THSD7A: variants seen among roughly 807,000 people sequenced by gnomAD.
The protein encoded by THSD7A is thrombospondin type 1 domain containing 7A, also known as thrombospondin type-1 domain-containing protein 7A.
A neutral mutation model predicts 231.3 loss-of-function variants in THSD7A; 96 were observed. The observed-to-expected ratio is 0.41, with a 90% CI of 0.35 to 0.49. The LOEUF is 0.49. Among genes scored for constraint, THSD7A ranks in the 20% least tolerant of loss-of-function variants. The probability of loss-of-function intolerance (pLI) is 0.05; values close to 1 mark genes in which losing one functional copy is unlikely to be tolerated. For synonymous variants in THSD7A, 940 were observed against 743.3 expected, an observed-to-expected ratio of 1.26 and a Z score of -4.30; for missense variants, 2,290 against 2,070.2, an observed-to-expected ratio of 1.11 and a Z score of -2.06.
intron 1 of THSD7A, among the ~76,000 whole-genome samples, chr7:11,643,812 C>T (rs1049584009): frequency 6.6e-6 from 1 of 151,980 alleles, no homozygotes; most frequent in African/African-American, 2.4e-5. Flanking sequence ...TAATGAACCT[C>T]CATTGCTATA....
chr7:11,526,338 C>A (rs1349828690), intron 6 of THSD7A, among the ~76,000 whole-genome samples: 1 of 152,120 alleles, frequency 6.6e-6, no homozygotes, highest in Non-Finnish European at 1.5e-5. Flanking sequence ...TTTATTTACT[C>A]CTTGAGTTAA....
intron 1 of THSD7A, among the ~76,000 whole-genome samples, chr7:11,744,269 T>C (rs924881495): frequency 6.6e-5 from 10 of 151,790 alleles, no homozygotes; most frequent in African/African-American, 9.7e-5. Context: ...CTGAGATACA[T>C]ACTGACTGAT....
intron 1 of THSD7A, among the ~76,000 whole-genome samples, chr7:11,694,846 A>G (rs1430204109): frequency 6.6e-6 from 1 of 151,592 alleles, no homozygotes. Flanking sequence ...TCAAGAGAGC[A>G]GGAGTTCAAA....
Position 11,821,129 on chromosome 7 carries a change from C to T in THSD7A, c.190+10628G>A, listed in dbSNP as rs1403212878. 2.8e-6 allele frequency: 3 copies of T among 1,074,574 alleles called. No homozygotes were observed. In the East Asian group the frequency reaches 7.3e-5, roughly 26 times the overall value. The allele number at this position is 1,074,574 out of a possible 1,614,324, so 66.6% of individuals were successfully genotyped here. A position where few individuals can be genotyped will look rare whatever the true frequency, so the allele number is the denominator to read the frequency against. ...TTTTTGGCTGCCTCTTGCTCAGTTCCTCTATTTAGGTATTTAGTAAAGTGT... is the reference window on the plus strand; with the variant it reads ...TTTTTGGCTGCCTCTTGCTCAGTTCTTCTATTTAGGTATTTAGTAAAGTGT... On this transcript the variant is annotated intron_variant, in intron 1 of 27. Transcript: ENST00000423059.
In THSD7A at chr7:11,401,891, C is replaced by A; in HGVS notation, c.4315G>T (p.Gly1439Cys). Residue 1439 changes from glycine (G) to cysteine (C), a missense_variant, in exon 23 of 28, where the codon GGT becomes TGT. Coordinates refer to ENST00000423059, the MANE Select transcript of THSD7A (RefSeq NM_015204.3). ...GGTCTGGATCTGACCTGTATTCCAC[C>A]AAAGCCTAGATCCTCACCATTCACA... ...TCVNGEDLGF[G>C]GIQVRSRPVI... 2 of 1,613,786 alleles carry A rather than the reference C, an allele frequency of 1.2e-6. No individual in the cohort carries two copies. Among genetic ancestry groups the A allele is most frequent in the Non-Finnish European group, 1.7e-6 (2 of 1,179,838 alleles).
chr7:11,440,032 G>C (rs1427850241), intron 13 of THSD7A, among the ~76,000 whole-genome samples: 1 of 151,854 alleles, frequency 6.6e-6, no homozygotes, highest in Non-Finnish European at 1.5e-5. Context: ...CTTTTGTTAG[G>C]GGTTAATGCA....
At chr7:11,535,857 G>A (rs977736202) in intron 6 of THSD7A, among the ~76,000 whole-genome samples, 2 of 152,044 alleles carry the variant, frequency 1.3e-5, no homozygotes, top group African/African-American at 2.4e-5. Flanking sequence ...GGTTTCAGAA[G>A]CAAATCTTAT....
intron 4 of THSD7A, among the ~76,000 whole-genome samples, chr7:11,587,669 C>T (rs556830866): frequency 2.0e-5 from 3 of 152,170 alleles, no homozygotes; most frequent in South Asian, 2.1e-4. Context: ...TGTATTAACT[C>T]CGAGGATAAG....
intron 13 of THSD7A, among the ~76,000 whole-genome samples, chr7:11,440,889 G>A (rs1362815077): frequency 6.6e-6 from 1 of 152,024 alleles, no homozygotes; most frequent in African/African-American, 2.4e-5. Context: ...CTCCAGTTTT[G>A]AAAGAAGTTC....
intron 1 of THSD7A, among the ~76,000 whole-genome samples, chr7:11,828,598 A>T (rs185802403): frequency 1.6e-3 from 247 of 152,226 alleles, no homozygotes; most frequent in African/African-American, 5.6e-3. Flanking sequence ...GAATTTTTTT[A>T]AAAAAGTTAA....
chr7:11,395,895 C>A (rs750659765), intron 23 of THSD7A, among the ~76,000 whole-genome samples: 32 of 152,160 alleles, frequency 2.1e-4, no homozygotes, highest in Non-Finnish European at 4.1e-4. Flanking sequence ...GGAGGTAAAA[C>A]AAACACTCCT....
intron 1 of THSD7A, among the ~76,000 whole-genome samples, chr7:11,646,153 A>T (rs1467604589): frequency 6.6e-6 from 1 of 152,018 alleles, no homozygotes; most frequent in African/African-American, 2.4e-5. Context: ...AAATAACAAA[A>T]TGTGGTACTA....
chr7:11,739,550 C>T (rs1312410476), intron 1 of THSD7A, among the ~76,000 whole-genome samples: 1 of 151,844 alleles, frequency 6.6e-6, no homozygotes, highest in African/African-American at 2.4e-5. Context: ...CATTCTAAAA[C>T]ATCATCATCT....
intron 1 of THSD7A, among the ~76,000 whole-genome samples, chr7:11,665,728 T>C (rs894380610): frequency 6.6e-6 from 1 of 152,092 alleles, no homozygotes. Context: ...ACCTTTTAGC[T>C]GCAAAAACAG....
chr7:11,542,111 A>G (rs1191193374), intron 5 of THSD7A, among the ~76,000 whole-genome samples: 1 of 152,228 alleles, frequency 6.6e-6, no homozygotes, highest in African/African-American at 2.4e-5. Flanking sequence ...TGAACCTCTA[A>G]GAAGTTGGAT....
chr7:11,507,687 T>C (rs1237779027), intron 6 of THSD7A, among the ~76,000 whole-genome samples: 2 of 152,142 alleles, frequency 1.3e-5, no homozygotes, highest in Non-Finnish European at 2.9e-5. Context: ...CATATTTTTA[T>C]AATGAGTAAA....
chr7:11,784,753 G>C (rs1053490035), intron 1 of THSD7A, among the ~76,000 whole-genome samples: 1 of 152,106 alleles, frequency 6.6e-6, no homozygotes, highest in South Asian at 2.1e-4. Flanking sequence ...AATGCTGGTT[G>C]TAGTTCCACT....
At chr7:11,496,369 T>C (rs1402658031) in intron 6 of THSD7A, among the ~76,000 whole-genome samples, 2 of 152,190 alleles carry the variant, frequency 1.3e-5, no homozygotes, top group Non-Finnish European at 2.9e-5. Context: ...AATACACTAT[T>C]GTATGTGGCA....
chr7:11,447,705 C>T (rs1785018613), intron 11 of THSD7A, among the ~76,000 whole-genome samples: 1 of 152,042 alleles, frequency 6.6e-6, no homozygotes, highest in East Asian at 1.9e-4. Flanking sequence ...TTCAGGGTTT[C>T]AATTCATGTC....
Sources: gnomAD v4.1 joint callset for allele counts (sites outside exome capture counted in the v4.1 genomes callset) on GRCh38, gnomAD v4.1.1 for gene constraint, MANE v1.5 for transcripts, NCBI Gene and HGNC (gene_info 2026-07-23, HGNC 2026-07-21) for gene names.